Variants in TCF7L1 observed in about 807,000 individuals in gnomAD.
TCF7L1 encodes the protein transcription factor 7-like 1.
Under a neutral mutation model 63.7 loss-of-function variants are expected in TCF7L1, and 18 were observed. The observed-to-expected ratio is 0.28, with a 90% confidence interval of 0.20 to 0.42. The LOEUF is 0.42. Ranked by LOEUF, TCF7L1 falls within the 10% of genes least tolerant of loss-of-function variation. TCF7L1 has a pLI of 1.00. For missense variants in TCF7L1, 654 were observed against 779.3 expected, an observed-to-expected ratio of 0.84 and a Z score of 1.91; for synonymous variants, 355 against 340.9, an observed-to-expected ratio of 1.04 and a Z score of -0.46.
At chr2:85,285,008 C>T (rs926628439) in intron 4 of TCF7L1, among the ~76,000 whole-genome samples, 4 of 152,078 alleles carry the variant, frequency 2.6e-5, no homozygotes, top group African/African-American at 7.2e-5. Context: ...CCGAGGTGGG[C>T]GGATCACGAG....
intron 3 of TCF7L1, among the ~76,000 whole-genome samples, chr2:85,242,519 CG>C (rs1680358582): frequency 6.6e-6 from 1 of 152,234 alleles, no homozygotes; most frequent in Non-Finnish European, 1.5e-5. Context: ...CTGACCTAGA[CG>C]CTGCACCCGG....
At chr2:85,191,819 C>A (rs1391080469) in intron 3 of TCF7L1, among the ~76,000 whole-genome samples, 16 of 147,576 alleles carry the variant, frequency 1.1e-4, no homozygotes. Flanking sequence ...GAGTGAAACT[C>A]CATCTCAAAA....
intron 3 of TCF7L1, among the ~76,000 whole-genome samples, chr2:85,211,903 A>G (rs1347084478): frequency 6.6e-6 from 1 of 152,152 alleles, no homozygotes; most frequent in African/African-American, 2.4e-5. Context: ...CAGCCTGGCC[A>G]ACATGATGAA....
chr2:85,216,376 T>TGAAGACCCGACAGCCCAC (rs1380840291), intron 3 of TCF7L1, among the ~76,000 whole-genome samples: 7 of 152,224 alleles, frequency 4.6e-5, no homozygotes, highest in African/African-American at 1.4e-4. Flanking sequence ...CCGCTGCCCA[T>TGAAGACCCGACAGCCCAC]GAAGACCCGA....
chr2:85,222,669 C>CAAAAAAAAA (rs60020804), intron 3 of TCF7L1, among the ~76,000 whole-genome samples: 5 of 58,206 alleles, frequency 8.6e-5, no homozygotes, highest in African/African-American at 1.7e-4. Context: ...GACCCCATCT[C>CAAAAAAAAA]AAAAAAAAAA....
chr2:85,304,667 T>C (rs77680559), intron 7 of TCF7L1, among the ~76,000 whole-genome samples: 8,869 of 152,272 alleles, frequency 0.058, 361 homozygotes, highest in Middle Eastern at 0.099. Flanking sequence ...CCGTCGTACA[T>C]TGAAAACACA....
Position 85,266,708 on chromosome 2 carries a change from A to G in TCF7L1, c.442-16787A>G, listed in dbSNP as rs117933655. On this transcript the variant is annotated intron_variant, in intron 3 of 11. Transcript: ENST00000282111. Reference sequence around the variant, plus strand: ...TCTGCATGCCTTACGGCTTATCCATATTGAAACTTTCAATAATACAAGTAT... The same window carrying G: ...TCTGCATGCCTTACGGCTTATCCATGTTGAAACTTTCAATAATACAAGTAT... 1.4e-4 allele frequency among the ~76,000 whole-genome samples: 21 copies of G among 152,390 alleles called. 1 individual carries two copies. In the East Asian group the frequency reaches 3.8e-3, roughly 28 times the overall value.
intron 3 of TCF7L1, among the ~76,000 whole-genome samples, chr2:85,151,275 TCA>T (rs2104205428): frequency 6.6e-6 from 1 of 152,340 alleles, no homozygotes; most frequent in South Asian, 2.1e-4. Context: ...GTGGAGTTTT[TCA>T]CAGTCTGGAT....
chr2:85,256,778 A>C (rs536865854), intron 3 of TCF7L1, among the ~76,000 whole-genome samples: 50 of 152,248 alleles, frequency 3.3e-4, no homozygotes, highest in Non-Finnish European at 5.7e-4. Context: ...AGGTGTCAGG[A>C]GTTCGAGACC....
At chr2:85,307,596 C>T (rs370137269) in intron 10 of TCF7L1, 46 bp from the exon 11 acceptor site, 12 of 1,561,604 alleles carry the variant, frequency 7.7e-6, no homozygotes, top group Middle Eastern at 1.9e-4. Flanking sequence ...GAGAAGCCAG[C>T]ATTCTTCTCT....
chr2:85,294,671 G>A (rs974356939), intron 4 of TCF7L1, among the ~76,000 whole-genome samples: 2 of 152,110 alleles, frequency 1.3e-5, no homozygotes, highest in Non-Finnish European at 2.9e-5. Flanking sequence ...CCCCAGCTTT[G>A]AGCTGAGAAA....
At chr2:85,284,429 G>A (rs1460435290) in intron 4 of TCF7L1, among the ~76,000 whole-genome samples, 1 of 152,236 alleles carries the variant, frequency 6.6e-6, no homozygotes, top group Admixed American at 6.5e-5. Flanking sequence ...CAGCTGGAAA[G>A]GAGGGTCTGG....
At chr2:85,166,507 C>T (rs889593377) in intron 3 of TCF7L1, among the ~76,000 whole-genome samples, 15 of 152,226 alleles carry the variant, frequency 9.9e-5, no homozygotes, top group South Asian at 4.2e-4. Flanking sequence ...ACCTGGGTGG[C>T]GTGGTAAGGG....
chr2:85,224,927 T>C (rs965841693), intron 3 of TCF7L1, among the ~76,000 whole-genome samples: 1 of 152,234 alleles, frequency 6.6e-6, no homozygotes, highest in African/African-American at 2.4e-5. Flanking sequence ...TACATTTAAG[T>C]CTTTAATCCA....
At position 85,292,082 on chromosome 2, in the gene TCF7L1, A is replaced by G. The variant is rs1213801355; in HGVS notation, c.525+8504A>G. Among the ~76,000 whole-genome samples, 14 of 10,984 alleles carry G rather than the reference A, an allele frequency of 1.3e-3. 3 individuals are homozygous for G. Among genetic ancestry groups the G allele is most frequent in the Admixed American group, 2.6e-3 (2 of 768 alleles). The allele number at this position is 10,984 out of a possible 152,430, so 7.2% of individuals were successfully genotyped here. ...GTCGCCCAGGCTGGAGTGCAGTGGC[A>G]CGATCTCGGCTCACTGCAAGCTCCG... On this transcript the variant is annotated intron_variant, in intron 4 of 11. Transcript: ENST00000282111.
chr2:85,290,587 A>G (rs781075724), intron 4 of TCF7L1, among the ~76,000 whole-genome samples: 2 of 152,246 alleles, frequency 1.3e-5, no homozygotes, highest in Non-Finnish European at 2.9e-5. Context: ...ATCAAGATAT[A>G]GAACAGTTCT....
At chr2:85,184,310 A>G (rs976191163) in intron 3 of TCF7L1, among the ~76,000 whole-genome samples, 35 of 152,068 alleles carry the variant, frequency 2.3e-4, no homozygotes, top group African/African-American at 8.5e-4. Context: ...GAGGCGGGGA[A>G]GAAAGGCGGA....
At chr2:85,186,959 G>T (rs184498663) in intron 3 of TCF7L1, among the ~76,000 whole-genome samples, 222 of 152,266 alleles carry the variant, frequency 1.5e-3, no homozygotes, top group Non-Finnish European at 2.6e-3. Flanking sequence ...TGAGTTGGTG[G>T]ATACCATGTA....
intron 4 of TCF7L1, among the ~76,000 whole-genome samples, chr2:85,291,863 A>G (rs901968363): frequency 1.3e-5 from 2 of 151,970 alleles, no homozygotes; most frequent in African/African-American, 4.8e-5. Context: ...GCACCACCAC[A>G]TCCAGCTATT....
Sources: allele counts gnomAD v4.1 joint callset (sites outside exome capture counted in the v4.1 genomes callset), GRCh38; gene constraint gnomAD v4.1.1; transcripts MANE v1.5; gene names NCBI Gene and HGNC (gene_info 2026-07-23, HGNC 2026-07-21).